SEMA6D: variants seen among roughly 807,000 people sequenced by gnomAD.
SEMA6D encodes semaphorin-6D.
In SEMA6D, 35 loss-of-function variants were observed where a neutral mutation model predicts 106.6. The observed-to-expected ratio is 0.33, with a 90% confidence interval of 0.25 to 0.44. The LOEUF (loss-of-function observed/expected upper bound fraction) is 0.44. SEMA6D is among the 20% of genes least tolerant of loss of function. The pLI, the probability that SEMA6D is intolerant of heterozygous loss-of-function variation, is 1.00. For synonymous variants in SEMA6D, 499 were observed against 487.7 expected, an observed-to-expected ratio of 1.02 and a Z score of -0.31; for missense variants, 1,185 against 1,345.9, an observed-to-expected ratio of 0.88 and a Z score of 1.87.
intron 17 of SEMA6D, 34 bp downstream of exon 17, chr15:47,767,127 C>A (rs1269117497): frequency 2.6e-5 from 36 of 1,373,740 alleles, no homozygotes; most frequent in Non-Finnish European, 3.4e-5. Flanking sequence ...AATTAACAAC[C>A]TTTTCTTTCC....
intron 3 of SEMA6D, among the ~76,000 whole-genome samples, chr15:47,572,083 G>C (rs1566900459): frequency 6.6e-6 from 1 of 152,162 alleles, no homozygotes; most frequent in Non-Finnish European, 1.5e-5. Flanking sequence ...TTCAGCCTAG[G>C]AAACACCTCC....
In SEMA6D at chr15:47,765,078, G is replaced by A. The variant is rs552571039; in HGVS notation, c.1427+22G>A. The stretch of plus-strand genomic sequence containing the variant: ...CAAAGTAGGTATATGTTACGAGAAC[G>A]CCCTTCAGCACTGCTCAAAAATTTT... On this transcript the variant is annotated intron_variant, in intron 13 of 18. Transcript: ENST00000536845. 5.6e-6 allele frequency: 9 copies of A among 1,612,156 alleles called. No individual in the cohort carries two copies. In the East Asian group the frequency reaches 8.9e-5, roughly 16 times the overall value.
intron 4 of SEMA6D, among the ~76,000 whole-genome samples, chr15:47,617,904 C>A (rs2077035534): frequency 1.3e-5 from 2 of 152,214 alleles, no homozygotes; most frequent in East Asian, 3.8e-4. Context: ...TTTCCTCCAA[C>A]TGATATTTCA....
At chr15:47,521,612 A>G (rs1416702778) in intron 3 of SEMA6D, among the ~76,000 whole-genome samples, 6 of 152,190 alleles carry the variant, frequency 3.9e-5, no homozygotes, top group Non-Finnish European at 8.8e-5. Flanking sequence ...TTGCGATTAC[A>G]ATCTCCTTAG....
At chr15:47,339,922 C>CA (rs1470940027) in intron 1 of SEMA6D, among the ~76,000 whole-genome samples, 24 of 151,594 alleles carry the variant, frequency 1.6e-4, no homozygotes, top group African/African-American at 5.3e-4. Context: ...AAGAAAACAA[C>CA]AAAAAAAGAA....
chr15:47,764,927 A>T lies in SEMA6D; in HGVS notation c.1298A>T (p.Tyr433Phe). ...AISVDHSAGP[Y>F]QNYTVIFVGS... ...TCAGTGGACCATTCAGCCGGACCCTACCAGAACTACACAGTCATCTTTGTT... is the reference window on the plus strand; with the variant it reads ...TCAGTGGACCATTCAGCCGGACCCTTCCAGAACTACACAGTCATCTTTGTT... Residue 433 changes from tyrosine to phenylalanine, a missense_variant, in exon 13 of 19, where the codon TAC becomes TTC. This residue lies in a region of SEMA6D where 291 missense variants were observed against 423.8 expected (regional missense o/e 0.69). Transcript: ENST00000536845. 6.2e-7 allele frequency: 1 copy of T among 1,613,660 alleles called. No homozygotes were observed. Among genetic ancestry groups the T allele is most frequent in the Non-Finnish European group, 8.5e-7 (1 of 1,179,814 alleles).
intron 1 of SEMA6D, among the ~76,000 whole-genome samples, chr15:47,204,978 A>C (rs1453252419): frequency 6.6e-6 from 1 of 152,152 alleles, no homozygotes; most frequent in Admixed American, 6.6e-5. Flanking sequence ...TTTATTTAGC[A>C]CCTACTATGC....
chr15:47,765,242 G>C, intron 13 of SEMA6D, 186 bp downstream of exon 13: 1 of 1,378,376 alleles, frequency 7.3e-7, no homozygotes, highest in South Asian at 1.7e-5. Context: ...GGCGAGGGGG[G>C]TGAATGGTTG....
intron 3 of SEMA6D, among the ~76,000 whole-genome samples, chr15:47,500,661 G>A (rs1282638292): frequency 2.0e-5 from 3 of 152,184 alleles, no homozygotes; most frequent in African/African-American, 4.8e-5. Flanking sequence ...CATCAGCAGT[G>A]TGATGTGGGA....
chr15:47,281,629 G>GT (rs1263160823), intron 1 of SEMA6D, among the ~76,000 whole-genome samples: 1 of 152,068 alleles, frequency 6.6e-6, no homozygotes, highest in Non-Finnish European at 1.5e-5. Context: ...AGTCTCAATG[G>GT]TCTTTACATT....
chr15:47,301,797 C>A (rs1309872049), intron 1 of SEMA6D, among the ~76,000 whole-genome samples: 1 of 152,196 alleles, frequency 6.6e-6, no homozygotes. Context: ...TGTGCCACAG[C>A]ATACTGATTT....
intron 4 of SEMA6D, among the ~76,000 whole-genome samples, chr15:47,685,322 A>G (rs1596628334): frequency 1.3e-5 from 2 of 152,346 alleles, no homozygotes; most frequent in African/African-American, 4.8e-5. Flanking sequence ...GAGTAGCACA[A>G]TCCCAGAGAG....
At position 47,760,353 on chromosome 15, in the gene SEMA6D, G is replaced by T. The variant is rs749017508; in HGVS notation, c.159G>T (p.Ser53=). 1.9e-6 allele frequency: 3 copies of T among 1,613,660 alleles called. No individual in the cohort carries two copies. The highest frequency in any genetic ancestry group is 1.3e-5 in the African/African-American group (1 of 75,004). The change falls in exon 3 of 19, where the codon TCG becomes TCT. Residue 53 remains serine (S), a synonymous_variant. Coordinates refer to ENST00000536845, the MANE Select transcript of SEMA6D (RefSeq NM_001358351.3). The part of the protein sequence containing the change: ...VFRGRPSGNE[S]QHRLDFQLML... ...GAGGACGCCCTTCAGGCAATGAATC[G>T]CAGCACAGGCTGGACTTTCAGCTGA...
chr15:47,246,891 G>T (rs927831231), intron 1 of SEMA6D, among the ~76,000 whole-genome samples: 1 of 152,178 alleles, frequency 6.6e-6, no homozygotes, highest in East Asian at 1.9e-4. Flanking sequence ...TAGCAGGACA[G>T]AGAGGGAGAA....
intron 4 of SEMA6D, among the ~76,000 whole-genome samples, chr15:47,673,574 G>A (rs1002874870): frequency 1.3e-5 from 2 of 152,158 alleles, no homozygotes; most frequent in Non-Finnish European, 2.9e-5. Context: ...GGTTTGCAGG[G>A]GAACCTCGTT....
At chr15:47,260,132 A>T (rs1421852784) in intron 1 of SEMA6D, among the ~76,000 whole-genome samples, 4 of 151,968 alleles carry the variant, frequency 2.6e-5, no homozygotes, top group South Asian at 2.1e-4. Flanking sequence ...TTGATTTTTT[A>T]AAAATATTAT....
At chr15:47,303,867 C>T (rs542595025) in intron 1 of SEMA6D, among the ~76,000 whole-genome samples, 3 of 152,190 alleles carry the variant, frequency 2.0e-5, no homozygotes, top group African/African-American at 4.8e-5. Context: ...TGTGCTTATG[C>T]CTGAGAGCTC....
intron 1 of SEMA6D, among the ~76,000 whole-genome samples, chr15:47,729,594 C>T (rs1442619918): frequency 6.6e-6 from 1 of 152,166 alleles, no homozygotes; most frequent in African/African-American, 2.4e-5. Context: ...GGTAAGATCA[C>T]CCCACTCCAT....
At chr15:47,574,623 C>T (rs1028113560) in intron 3 of SEMA6D, among the ~76,000 whole-genome samples, 1 of 152,116 alleles carries the variant, frequency 6.6e-6, no homozygotes, top group Non-Finnish European at 1.5e-5. Context: ...GAACAGTTAT[C>T]TTTTGAGACC....
Sources: allele counts gnomAD v4.1 joint callset (sites outside exome capture counted in the v4.1 genomes callset), GRCh38; gene constraint gnomAD v4.1.1; regional missense constraint gnomAD v4.1.1; transcripts MANE v1.5; gene names NCBI Gene and HGNC (gene_info 2026-07-23, HGNC 2026-07-21).